Variants in CAPN1 observed in about 807,000 individuals in gnomAD.
CAPN1 encodes calpain 1, also known as calpain-1 catalytic subunit.
CAPN1 carries 77 observed loss-of-function variants against 105.2 expected under a neutral mutation model. The ratio of observed to expected loss-of-function variants is 0.73; its 90% CI spans 0.61 to 0.88. The LOEUF is 0.88. Among genes scored for constraint, CAPN1 ranks in the 40% least tolerant of loss-of-function variants. The probability of loss-of-function intolerance (pLI) is 0.00; values close to 1 mark genes in which losing one functional copy is unlikely to be tolerated. For synonymous variants in CAPN1, 355 were observed against 388.8 expected, an observed-to-expected ratio of 0.91 and a Z score of 1.02; for missense variants, 833 against 976.6, an observed-to-expected ratio of 0.85 and a Z score of 1.96.
At chr11:65,196,533 A>G (rs1429150706) in intron 10 of CAPN1, among the ~76,000 whole-genome samples, 1 of 152,122 alleles carries the variant, frequency 6.6e-6, no homozygotes, top group East Asian at 1.9e-4. Context: ...ACAGTAAACT[A>G]CTGTTAACTA....
At chr11:65,207,452 G>A (rs1230120012) in intron 14 of CAPN1, among the ~76,000 whole-genome samples, 3 of 150,810 alleles carry the variant, frequency 2.0e-5, no homozygotes, top group East Asian at 2.0e-4. Flanking sequence ...CACCCACCTC[G>A]GCCTCACAAA....
At chr11:65,211,119 G>A (rs564108140) in intron 21 of CAPN1, 141 bp from the exon 22 acceptor site, 10 of 936,574 alleles carry the variant, frequency 1.1e-5, no homozygotes, top group South Asian at 8.5e-5. Flanking sequence ...AGGGGTGGAG[G>A]AGGTAAGAAA....
In CAPN1 at chr11:65,204,742, G is replaced by T; in HGVS notation, c.1225G>T (p.Asp409Tyr). ...IRLDETDDPD[D>Y]YGDRESGCSF... ...GCTGGATGAGACGGATGACCCGGACGACTACGGGGACCGCGAGTCAGGCTG... is the reference window on the plus strand; with the variant it reads ...GCTGGATGAGACGGATGACCCGGACTACTACGGGGACCGCGAGTCAGGCTG... Residue 409 changes from aspartate (D) to tyrosine (Y), a missense_variant, in exon 11 of 22, where the codon GAC (aspartate) becomes TAC (tyrosine). Asp to Tyr is a radical substitution (Grantham distance 160, BLOSUM62 -3). Transcript: ENST00000279247. 1 of 1,613,176 alleles carries T rather than the reference G, an allele frequency of 6.2e-7. No homozygotes were observed. Among genetic ancestry groups the T allele is most frequent in the Non-Finnish European group, 8.5e-7 (1 of 1,179,860 alleles).
intron 4 of CAPN1, among the ~76,000 whole-genome samples, chr11:65,184,386 C>G (rs938703331): frequency 2.0e-5 from 3 of 152,172 alleles, no homozygotes; most frequent in African/African-American, 7.2e-5. Context: ...CCTCGCTCCT[C>G]CAATCCGCTC....
intron 12 of CAPN1, chr11:65,206,232 A>G: frequency 1.7e-6 from 1 of 590,282 alleles, no homozygotes; most frequent in South Asian, 2.0e-5. Flanking sequence ...CTAATCTGCA[A>G]TCCGGTGCTC....
At chr11:65,205,203 A>G (rs562123874) in intron 11 of CAPN1, among the ~76,000 whole-genome samples, 30 of 152,262 alleles carry the variant, frequency 2.0e-4, no homozygotes, top group African/African-American at 7.2e-4. Flanking sequence ...TGTGAGCAGA[A>G]GCTGGCAGGG....
chr11:65,187,127 G>A lies in CAPN1; in HGVS notation c.760-88G>A, dbSNP rs149915834. 1.6e-5 allele frequency: 15 copies of A among 922,818 alleles called. No homozygotes were observed. The East Asian group carries it at 3.9e-4, about 24-fold the overall frequency. The allele number at this position is 922,818 out of a possible 1,614,324, so 57.2% of individuals were successfully genotyped here. On this transcript the variant is annotated intron_variant, in intron 6 of 21. Coordinates refer to ENST00000279247, the MANE Select transcript of CAPN1 (RefSeq NM_005186.4). ...CTAGCAACTGTTGTATGTGCAAGTGGGAACGTCCAAGACCCTGAGTGCTGG... is the reference window on the plus strand; with the variant it reads ...CTAGCAACTGTTGTATGTGCAAGTGAGAACGTCCAAGACCCTGAGTGCTGG...
rs1028549518 is a variant in CAPN1, at chr11:65,210,710, G to A, written c.2060-104G>A. 13 of 938,108 alleles carry A rather than the reference G, an allele frequency of 1.4e-5. No individual in the cohort carries two copies. In the African/African-American group the frequency reaches 1.6e-4, roughly 12 times the overall value. The allele number at this position is 938,108 out of a possible 1,614,324, so 58.1% of individuals were successfully genotyped here. ...TCAAGGGGTGTCAGCTTGCGGTACT[G>A]TGGGGAGGTAGAGAGGGACCAGGCA... On this transcript the variant is annotated intron_variant, in intron 20 of 21. Coordinates refer to ENST00000279247, the MANE Select transcript of CAPN1 (RefSeq NM_005186.4). This position sits in a 1 kb window ranked among gnomAD's most constrained non-coding sequence, Gnocchi z 4.3.
rs1414063691 is a variant in CAPN1 at position 65,187,302 on chromosome 11, CTGCCCT to C, written c.843+5_843+10del. 2 of 1,608,702 alleles carry C rather than the reference CTGCCCT, an allele frequency of 1.2e-6. No individual in the cohort carries two copies. Among genetic ancestry groups the C allele is most frequent in the Middle Eastern group, 1.7e-4 (1 of 6,042 alleles). On this transcript the variant is annotated splice_donor_5th_base_variant and intron_variant, in intron 7 of 21. Coordinates refer to ENST00000279247, the MANE Select transcript of CAPN1 (RefSeq NM_005186.4). ...CTCTGTGACCGGGGCCAAGCAGGTA[CTGCCCT>C]GGGTGGGGCCTTCCCTGAAGGGCGG...
rs1190585217 is a variant in CAPN1 at position 65,209,837 on chromosome 11, A to T, written c.1795-12A>T. On this transcript the variant is annotated splice_polypyrimidine_tract_variant and intron_variant, in intron 17 of 21. Transcript: ENST00000279247. This position sits in a 1 kb window ranked among gnomAD's most constrained non-coding sequence, Gnocchi z 4.1. ...TCTAAGTGATGGAATTTCCTTCTTA[A>T]CGGCCACCCAGCGTGATGGCAATGG... 1 of 1,613,226 alleles carries T rather than the reference A, an allele frequency of 6.2e-7. No homozygotes were observed.
rs1227822168 is a variant in CAPN1, at chr11:65,190,721, TTTG to T, written c.1165+1978_1165+1980del. Among the ~76,000 whole-genome samples the T allele has an allele frequency of 3.5e-4, 52 of 149,614 alleles. 3 individuals are homozygous for T. The highest frequency in any genetic ancestry group is 5.3e-4 in the African/African-American group (21 of 39,728). Reference sequence around the variant, plus strand: ...GTTGTTGGTTTTTTTTGTTTTTGTTTTTGTTTTTTGAGACGGAGTCTTGCTCTG... The same window carrying T: ...GTTGTTGGTTTTTTTTGTTTTTGTTTTTTTTTGAGACGGAGTCTTGCTCTG... On this transcript the variant is annotated intron_variant, in intron 10 of 21. Transcript: ENST00000279247.
chr11:65,183,244 T>C, intron 3 of CAPN1, 47 bp downstream of exon 3: 1 of 1,547,454 alleles, frequency 6.5e-7, no homozygotes, highest in Non-Finnish European at 8.9e-7. Context: ...CCACAGTAGT[T>C]CCCCATTCCC....
chr11:65,210,330 G>A lies in CAPN1; in HGVS notation c.1943-6G>A, dbSNP rs757153839. ...TCACTGACCTTCACTCACTCTCCTGGACCAGGCTTCAAGCTCAACAAGAAG... is the reference window on the plus strand; with the variant it reads ...TCACTGACCTTCACTCACTCTCCTGAACCAGGCTTCAAGCTCAACAAGAAG... On this transcript the variant is annotated splice_polypyrimidine_tract_variant and splice_region_variant and intron_variant, in intron 19 of 21. Coordinates refer to ENST00000279247, the MANE Select transcript of CAPN1 (RefSeq NM_005186.4). This position sits in a 1 kb window ranked among gnomAD's most constrained non-coding sequence, Gnocchi z 4.3. 2 of 1,601,640 alleles carry A rather than the reference G, an allele frequency of 1.2e-6. No individual in the cohort carries two copies. Among genetic ancestry groups the A allele is most frequent in the East Asian group, 2.2e-5 (1 of 44,764 alleles).
Position 65,197,747 on chromosome 11 carries a change from C to T in CAPN1, c.1166-6936C>T, listed in dbSNP as rs73480936. ...ACCAAAAATACAAAAATTAGCCGGG[C>T]AAGGTGGGTAGGTGCCTGTAATGCC... is the stretch of plus-strand genomic sequence containing the variant. On this transcript the variant is annotated intron_variant, in intron 10 of 21. Transcript: ENST00000279247. Among the ~76,000 whole-genome samples the T allele has an allele frequency of 6.9e-3, 1,046 of 152,002 alleles. 11 individuals carry two copies. The highest frequency in any genetic ancestry group is 0.024 in the African/African-American group (988 of 41,450).
Position 65,188,573 on chromosome 11 carries a change from C to A in CAPN1, c.1005-13C>A. ...TGACGGGCTGTGCCTCACCTGTGTA[C>A]CTCCCACCTCAGGATGTCATTCCGA... On this transcript the variant is annotated splice_polypyrimidine_tract_variant and intron_variant, in intron 9 of 21. Coordinates refer to ENST00000279247, the MANE Select transcript of CAPN1 (RefSeq NM_005186.4). This position sits in a 1 kb window ranked among gnomAD's most constrained non-coding sequence, Gnocchi z 5.5. 1 of 1,613,952 alleles carries A rather than the reference C, an allele frequency of 6.2e-7. No individual in the cohort carries two copies. Among genetic ancestry groups the A allele is most frequent in the South Asian group, 1.1e-5 (1 of 91,066 alleles).
At chr11:65,201,816 C>G (rs1320943701) in intron 10 of CAPN1, among the ~76,000 whole-genome samples, 1 of 146,202 alleles carries the variant, frequency 6.8e-6, no homozygotes, top group Non-Finnish European at 1.5e-5. Flanking sequence ...CCGCGCCCGG[C>G]TTTTGTTTTT....
chr11:65,192,607 ATTTTCTTTTGTT>A (rs1948732938), intron 10 of CAPN1, among the ~76,000 whole-genome samples: 2 of 149,524 alleles, frequency 1.3e-5, no homozygotes, highest in East Asian at 3.9e-4. Flanking sequence ...GATGAGTTGT[ATTTTCTTTTGTT>A]TTTTCTTTTT....
Position 65,208,180 on chromosome 11 carries a change from G to A in CAPN1, c.1672-25G>A. On this transcript the variant is annotated intron_variant, in intron 15 of 21. Transcript: ENST00000279247. This position sits in a 1 kb window ranked among gnomAD's most constrained non-coding sequence, Gnocchi z 4.1. The stretch of plus-strand genomic sequence containing the variant: ...TGAGGGGCAGCCCTCTCCTGGGGCA[G>A]GTGCCACCTCCTCTCTCTCCCCAGG... 6.3e-6 allele frequency: 10 copies of A among 1,587,168 alleles called. No individual in the cohort carries two copies. The highest frequency in any genetic ancestry group is 8.6e-6 in the Non-Finnish European group (10 of 1,166,782).
Position 65,209,908 on chromosome 11 carries a change from G to T in CAPN1, c.1854G>T (p.Arg618=). The T allele has an allele frequency of 6.8e-6, 11 of 1,613,698 alleles. No homozygotes were observed. Among genetic ancestry groups the T allele is most frequent in the Non-Finnish European group, 9.3e-6 (11 of 1,179,866 alleles). The change falls in exon 18 of 22, where the codon CGG becomes CGT. Residue 618 remains arginine, a synonymous_variant. Transcript: ENST00000279247. This position sits in a 1 kb window ranked among gnomAD's most constrained non-coding sequence, Gnocchi z 4.1. ...TCAACATCCTGTGGAACCGCATCCG[G>T]AATTACCTGGTAGGTTGTCCCCACT... is the stretch of plus-strand genomic sequence containing the variant. The part of the protein sequence containing the change: ...VEFNILWNRI[R]NYLSIFRKFD...
Sources: gnomAD v4.1 joint callset for allele counts (sites outside exome capture counted in the v4.1 genomes callset) on GRCh38, gnomAD v4.1.1 for gene constraint, Gnocchi (gnomAD v3.1) non-coding constraint, MANE v1.5 for transcripts, NCBI Gene and HGNC (gene_info 2026-07-23, HGNC 2026-07-21) for gene names.